The following SMYD3 variants were observed in gnomAD, a reference collection of about 807,000 sequenced individuals.
SMYD3 encodes the protein SET and MYND domain containing 3.
A neutral mutation model predicts 57.7 loss-of-function variants in SMYD3; 36 were observed. That is an observed-to-expected ratio of 0.62 (90% confidence interval 0.48 to 0.82). The LOEUF (loss-of-function observed/expected upper bound fraction) is 0.82, where lower values mean the gene tolerates loss of function less well. SMYD3 is among the 40% of genes least tolerant of loss of function. SMYD3 has a pLI of 0.00. For missense variants in SMYD3, 515 were observed against 538.8 expected, an observed-to-expected ratio of 0.96 and a Z score of 0.44; for synonymous variants, 211 against 195.0, an observed-to-expected ratio of 1.08 and a Z score of -0.68.
chr1:246,463,677 A>C (rs1184708913), intron 1 of SMYD3, among the ~76,000 whole-genome samples: 2 of 149,292 alleles, frequency 1.3e-5, no homozygotes, highest in African/African-American at 2.4e-5. Context: ...AAAAAAAAAA[A>C]AAAAAAACAT....
intron 10 of SMYD3, among the ~76,000 whole-genome samples, chr1:245,833,845 C>G (rs1382270541): frequency 6.6e-6 from 1 of 152,230 alleles, no homozygotes; most frequent in Non-Finnish European, 1.5e-5. Flanking sequence ...CTCTCAGGGT[C>G]TCACCCGCAT....
At chr1:245,984,156 C>T (rs778305552) in intron 5 of SMYD3, among the ~76,000 whole-genome samples, 7 of 152,038 alleles carry the variant, frequency 4.6e-5, no homozygotes, top group South Asian at 2.1e-4. Flanking sequence ...CCTGCCACCA[C>T]GCCCGGGTAA....
chr1:245,801,837 C>A, intron 10 of SMYD3, among the ~76,000 whole-genome samples: 2 of 148,028 alleles, frequency 1.4e-5, no homozygotes, highest in African/African-American at 2.5e-5. Flanking sequence ...CAAAACAAAA[C>A]AAAACTCTGT....
intron 5 of SMYD3, among the ~76,000 whole-genome samples, chr1:246,022,241 G>T (rs189152496): frequency 1.3e-5 from 2 of 152,288 alleles, no homozygotes; most frequent in Admixed American, 6.5e-5. Context: ...AAACCAGGTT[G>T]GTTCTCAAAC....
At chr1:246,085,692 G>T (rs966424755) in intron 5 of SMYD3, among the ~76,000 whole-genome samples, 1 of 152,042 alleles carries the variant, frequency 6.6e-6, no homozygotes, top group Non-Finnish European at 1.5e-5. Flanking sequence ...ACAAGCTCAC[G>T]TTTAACTGCT....
At chr1:245,840,059 C>T (rs997598149) in intron 10 of SMYD3, among the ~76,000 whole-genome samples, 3 of 151,936 alleles carry the variant, frequency 2.0e-5, no homozygotes, top group African/African-American at 7.3e-5. Context: ...AAGGCCCAGA[C>T]ACTAGAAAAA....
chr1:245,930,207 T>C (rs917081176), intron 5 of SMYD3: 4 of 500,892 alleles, frequency 8.0e-6, no homozygotes, highest in African/African-American at 5.9e-5. Flanking sequence ...GAACCATTAA[T>C]TTCAGTCTCA....
At chr1:245,812,860 T>A (rs187193712) in intron 10 of SMYD3, among the ~76,000 whole-genome samples, 65 of 151,946 alleles carry the variant, frequency 4.3e-4, no homozygotes, top group African/African-American at 1.5e-3. Flanking sequence ...CTTTTTCTTC[T>A]TTGGAAAAAT....
At chr1:246,003,119 G>T (rs559606208) in intron 5 of SMYD3, among the ~76,000 whole-genome samples, 15 of 152,342 alleles carry the variant, frequency 9.8e-5, no homozygotes, top group Middle Eastern at 3.4e-3. Flanking sequence ...GAGGCGGAGG[G>T]AAAGACGGTA....
In SMYD3 at chr1:245,792,881, C is replaced by T. The variant is rs531928155; in HGVS notation, c.1077-28732G>A. ...AGCTCGGTCATCTCAGTGGCTGCTG[C>T]CATCCAGTACCATAATGATGACAAA... On this transcript the variant is annotated intron_variant, in intron 10 of 11. Transcript: ENST00000490107. Among the ~76,000 whole-genome samples the T allele has an allele frequency of 2.7e-4, 41 of 152,212 alleles. 1 individual carries two copies. In the South Asian group the frequency reaches 8.3e-3, roughly 31 times the overall value.
At chr1:245,763,210 C>T (rs1046882918) in intron 11 of SMYD3, among the ~76,000 whole-genome samples, 2 of 152,238 alleles carry the variant, frequency 1.3e-5, no homozygotes, top group African/African-American at 4.8e-5. Context: ...TTCGCTTCCT[C>T]CCTCCTCCTT....
In SMYD3 at chr1:246,487,285, TAAAATACA is replaced by T. The variant is rs2068203275; in HGVS notation, c.164+19761_164+19768del. 1.4e-4 allele frequency among the ~76,000 whole-genome samples: 22 copies of T among 151,908 alleles called. No individual in the cohort carries two copies. The South Asian group carries it at 4.6e-3, about 32-fold the overall frequency. Reference sequence around the variant, plus strand: ...AATATAGCCAAACCCCATCTCTACTTAAAATACAAAAATTAGCCAGGCATGGTGGTGCG... The same window carrying T: ...AATATAGCCAAACCCCATCTCTACTTAAAATTAGCCAGGCATGGTGGTGCG... On this transcript the variant is annotated intron_variant, in intron 1 of 11. Coordinates refer to ENST00000490107, the MANE Select transcript of SMYD3 (RefSeq NM_001167740.2).
At chr1:246,362,604 G>A (rs550724469) in intron 1 of SMYD3, among the ~76,000 whole-genome samples, 2 of 152,358 alleles carry the variant, frequency 1.3e-5, no homozygotes, top group South Asian at 4.1e-4. Context: ...GCGATTGCAG[G>A]CGCGCACCGC....
chr1:246,330,340 G>C, intron 4 of SMYD3, 140 bp downstream of exon 4: 1 of 600,592 alleles, frequency 1.7e-6, no homozygotes, highest in Non-Finnish European at 2.7e-6. Flanking sequence ...CAGTGTGACA[G>C]TTGTATATAA....
At chr1:246,463,592 C>G (rs1337436979) in intron 1 of SMYD3, among the ~76,000 whole-genome samples, 1 of 135,492 alleles carries the variant, frequency 7.4e-6, no homozygotes, top group Admixed American at 8.7e-5. Flanking sequence ...CCGAGGCGGG[C>G]GGATCACGAG....
intron 5 of SMYD3, among the ~76,000 whole-genome samples, chr1:246,097,155 A>C (rs999770207): frequency 3.9e-5 from 6 of 152,216 alleles, no homozygotes; most frequent in Admixed American, 2.6e-4. Context: ...TTCTGATCTC[A>C]TGTTTTCTCC....
At position 246,494,541 on chromosome 1, in the gene SMYD3, G is replaced by T. The variant is rs1215882627; in HGVS notation, c.164+12513C>A. Among the ~76,000 whole-genome samples, 7 of 152,168 alleles carry T rather than the reference G, an allele frequency of 4.6e-5. No homozygotes were observed. In the East Asian group the frequency reaches 1.3e-3, roughly 29 times the overall value. The stretch of plus-strand genomic sequence containing the variant: ...AGATTTTAAGTAAGTCTTTTTGTAA[G>T]ATGCTTAAGTTTTCACCACTAAAAC... On this transcript the variant is annotated intron_variant, in intron 1 of 11. Transcript: ENST00000490107.
chr1:246,233,843 A>T (rs375785418), intron 5 of SMYD3, among the ~76,000 whole-genome samples: 39 of 124,876 alleles, frequency 3.1e-4, no homozygotes, highest in South Asian at 3.3e-4. Flanking sequence ...CAATCCACAC[A>T]GTGATGAACA....
chr1:246,500,265 G>A (rs373827064), intron 1 of SMYD3, among the ~76,000 whole-genome samples: 106 of 152,254 alleles, frequency 7.0e-4, no homozygotes, highest in South Asian at 4.4e-3. Flanking sequence ...TGGCTTTTTC[G>A]ATAGAAGGCA....
Sources: allele counts gnomAD v4.1 joint callset (sites outside exome capture counted in the v4.1 genomes callset), GRCh38; gene constraint gnomAD v4.1.1; transcripts MANE v1.5; gene names NCBI Gene and HGNC (gene_info 2026-07-23, HGNC 2026-07-21).